The following RAB11FIP4 variants were observed in gnomAD, a reference collection of about 807,000 sequenced individuals.
The protein encoded by RAB11FIP4 is rab11 family-interacting protein 4.
RAB11FIP4 carries 23 observed loss-of-function variants against 74.3 expected under a neutral mutation model. That is an observed-to-expected ratio of 0.31 (90% CI 0.22 to 0.44). The LOEUF (loss-of-function observed/expected upper bound fraction) is 0.44, where lower values mean the gene tolerates loss of function less well. Among genes scored for constraint, RAB11FIP4 ranks in the 20% least tolerant of loss-of-function variants. The pLI is 1.00. For synonymous variants in RAB11FIP4, 360 were observed against 359.9 expected, an observed-to-expected ratio of 1.00 and a Z score of 0.00; for missense variants, 630 against 863.9, an observed-to-expected ratio of 0.73 and a Z score of 3.39.
intron 3 of RAB11FIP4, among the ~76,000 whole-genome samples, chr17:31,462,082 T>C (rs1351713356): frequency 6.6e-6 from 1 of 151,968 alleles, no homozygotes; most frequent in Non-Finnish European, 1.5e-5. Flanking sequence ...ACCAATATGA[T>C]GAAACCCCCA....
chr17:31,428,507 G>A (rs61533627), intron 1 of RAB11FIP4, among the ~76,000 whole-genome samples: 9 of 152,000 alleles, frequency 5.9e-5, no homozygotes, highest in African/African-American at 2.2e-4. Flanking sequence ...GCTCATCCTG[G>A]CCTGGCTGTG....
chr17:31,413,205 A>G (rs959400490), intron 1 of RAB11FIP4, among the ~76,000 whole-genome samples: 8 of 152,176 alleles, frequency 5.3e-5, no homozygotes, highest in Admixed American at 2.6e-4. Flanking sequence ...GGGGCGGGAT[A>G]GATGGGTTAG....
At chr17:31,466,569 G>A (rs2071688087) in intron 3 of RAB11FIP4, among the ~76,000 whole-genome samples, 1 of 152,224 alleles carries the variant, frequency 6.6e-6, no homozygotes, top group Admixed American at 6.5e-5. Context: ...GAGTAGCAAA[G>A]TTGGTTGGGG....
chr17:31,494,591 T>C (rs1018495186), intron 3 of RAB11FIP4, among the ~76,000 whole-genome samples: 1 of 152,176 alleles, frequency 6.6e-6, no homozygotes, highest in African/African-American at 2.4e-5. Context: ...AAAACTCTAC[T>C]TCCTCAGCTT....
Position 31,391,793 on chromosome 17 carries a change from G to C in RAB11FIP4, c.-60G>C. 1.0e-6 allele frequency: 1 copy of C among 974,678 alleles called. No homozygotes were observed. 60.4% of individuals were successfully genotyped at this position (974,678 alleles called of 1,614,324 possible). ...CCGGAGGGCGCGCGGCGATGGCGGC[G>C]GCGGGCAGGCGGCGGGCGCGGCGGG... On this transcript the variant is annotated 5_prime_UTR_variant, in exon 1 of 15. Transcript: ENST00000621161.
At chr17:31,449,086 G>A (rs2071498720) in intron 3 of RAB11FIP4, among the ~76,000 whole-genome samples, 1 of 152,056 alleles carries the variant, frequency 6.6e-6, no homozygotes, top group Admixed American at 6.6e-5. Context: ...TCAGGACACA[G>A]GGGACAGAAT....
rs1400386720 is a variant in RAB11FIP4, at chr17:31,533,829, C to CCGGGG, written c.*2100_*2101insGGCGG. On this transcript the variant is annotated 3_prime_UTR_variant, in exon 15 of 15. Coordinates refer to ENST00000621161, the MANE Select transcript of RAB11FIP4 (RefSeq NM_032932.6). Reference sequence around the variant, plus strand: ...CCATGGGAACAGGCTCCGGAGGGAGCCGGCGTCTGAAAGGCCCCCGGGACC... The same window carrying CCGGGG: ...CCATGGGAACAGGCTCCGGAGGGAGCCGGGGCGGCGTCTGAAAGGCCCCCGGGACC... 6.6e-6 allele frequency: 1 copy of CCGGGG among 152,006 alleles called. No homozygotes were observed. Among genetic ancestry groups the CCGGGG allele is most frequent in the East Asian group, 1.9e-4 (1 of 5,178 alleles). 9.4% of individuals were successfully genotyped at this position (152,006 alleles called of 1,614,324 possible). A position where few individuals can be genotyped will look rare whatever the true frequency, so the allele number is the denominator to read the frequency against.
chr17:31,415,546 C>T (rs1567647978), intron 1 of RAB11FIP4, among the ~76,000 whole-genome samples: 1 of 152,214 alleles, frequency 6.6e-6, no homozygotes, highest in Non-Finnish European at 1.5e-5. Flanking sequence ...CCCCCCAATC[C>T]CCATGCCCAC....
At position 31,537,497 on chromosome 17, in the gene RAB11FIP4, G is replaced by T. The variant is rs978441543; in HGVS notation, c.*5765G>T. On this transcript the variant is annotated 3_prime_UTR_variant, in exon 15 of 15. Coordinates refer to ENST00000621161, the MANE Select transcript of RAB11FIP4 (RefSeq NM_032932.6). ...CAGCTTCTCCCACAGAGCTTTCCCT[G>T]CATTGTTAGTGATGTCGGGCAAAGC... 19 of 314,498 alleles carry T rather than the reference G, an allele frequency of 6.0e-5. No individual in the cohort carries two copies. Among genetic ancestry groups the T allele is most frequent in the South Asian group, 1.6e-4 (1 of 6,294 alleles). 19.5% of individuals were successfully genotyped at this position (314,498 alleles called of 1,614,324 possible). A position where few individuals can be genotyped will look rare whatever the true frequency, so the allele number is the denominator to read the frequency against.
chr17:31,412,128 C>T (rs1013891450), intron 1 of RAB11FIP4, among the ~76,000 whole-genome samples: 3 of 152,204 alleles, frequency 2.0e-5, no homozygotes, highest in East Asian at 3.8e-4. Context: ...GCTGAACCCA[C>T]GAGCTGCAGG....
intron 3 of RAB11FIP4, among the ~76,000 whole-genome samples, chr17:31,502,532 T>G (rs1597961355): frequency 6.6e-6 from 1 of 152,150 alleles, no homozygotes; most frequent in Non-Finnish European, 1.5e-5. Flanking sequence ...TGAGCTGAGA[T>G]TGTGCCACTG....
chr17:31,479,705 G>C (rs1294399426), intron 3 of RAB11FIP4, among the ~76,000 whole-genome samples: 2 of 152,298 alleles, frequency 1.3e-5, no homozygotes, highest in East Asian at 3.9e-4. Context: ...AGTTTTGAAG[G>C]ATGAATAGGA....
intron 3 of RAB11FIP4, among the ~76,000 whole-genome samples, chr17:31,505,311 C>T (rs560486827): frequency 6.9e-6 from 1 of 144,748 alleles, no homozygotes; most frequent in South Asian, 2.1e-4. Context: ...GTGTAGTGTT[C>T]TGTATGTATC....
At chr17:31,393,364 GGATAGTCGCGC>G (rs1418843452) in intron 1 of RAB11FIP4, among the ~76,000 whole-genome samples, 2 of 152,214 alleles carry the variant, frequency 1.3e-5, no homozygotes, top group Non-Finnish European at 2.9e-5. Context: ...CCTGGCATGG[GGATAGTCGCGC>G]TCCTTCCTCT....
At chr17:31,466,990 C>T (rs963229984) in intron 3 of RAB11FIP4, among the ~76,000 whole-genome samples, 16 of 152,214 alleles carry the variant, frequency 1.1e-4, no homozygotes, top group Admixed American at 5.9e-4. Flanking sequence ...ATTGGCTCTC[C>T]TGGCTCTTGG....
chr17:31,475,169 C>T (rs1281798355), intron 3 of RAB11FIP4, among the ~76,000 whole-genome samples: 2 of 152,086 alleles, frequency 1.3e-5, no homozygotes, highest in African/African-American at 4.8e-5. Flanking sequence ...AAGAAGAAGG[C>T]AGAGTAGAGG....
intron 1 of RAB11FIP4, among the ~76,000 whole-genome samples, chr17:31,430,048 G>A (rs1246540958): frequency 1.2e-4 from 18 of 152,150 alleles, no homozygotes; most frequent in Non-Finnish European, 5.9e-5. Flanking sequence ...GGATAGCAGC[G>A]GGGTGGGCCC....
chr17:31,528,925 GC>G, intron 13 of RAB11FIP4, 147 bp downstream of exon 13: 1 of 889,608 alleles, frequency 1.1e-6, no homozygotes, highest in Non-Finnish European at 1.7e-6. Flanking sequence ...AGGGCTGACT[GC>G]CCCATTTCAC....
chr17:31,476,840 C>T (rs929576230), intron 3 of RAB11FIP4, among the ~76,000 whole-genome samples: 10 of 152,334 alleles, frequency 6.6e-5, no homozygotes, highest in South Asian at 2.1e-4. Flanking sequence ...GTCCAGAGGC[C>T]GGGCACCTTT....
Sources: allele counts gnomAD v4.1 joint callset (sites outside exome capture counted in the v4.1 genomes callset), GRCh38; gene constraint gnomAD v4.1.1; transcripts MANE v1.5; gene names NCBI Gene and HGNC (gene_info 2026-07-23, HGNC 2026-07-21).